WNK1: variants seen among roughly 807,000 people sequenced by gnomAD.
The protein encoded by WNK1 is serine/threonine-protein kinase WNK1.
WNK1 carries 38 observed loss-of-function variants against 222.8 expected under a neutral mutation model. The ratio of observed to expected loss-of-function variants is 0.17; its 90% CI spans 0.13 to 0.22. The LOEUF is 0.22. Among genes scored for constraint, WNK1 ranks in the 10% least tolerant of loss-of-function variants. The pLI, the probability that WNK1 is intolerant of heterozygous loss-of-function variation, is 1.00. For missense variants in WNK1, 2,348 were observed against 2,918.4 expected, an observed-to-expected ratio of 0.80 and a Z score of 4.50; for synonymous variants, 1,090 against 1,092.9, an observed-to-expected ratio of 1.00 and a Z score of 0.05.
At chr12:810,906 A>C (rs1361457829) in intron 1 of WNK1, among the ~76,000 whole-genome samples, 3 of 152,148 alleles carry the variant, frequency 2.0e-5, no homozygotes, top group Non-Finnish European at 2.9e-5. Flanking sequence ...GGAACTGTGC[A>C]TGTTATGAAG....
At chr12:857,114 T>G (rs367843490) in intron 4 of WNK1, 47 bp from the exon 5 acceptor site, 1 of 1,586,000 alleles carries the variant, frequency 6.3e-7, no homozygotes, top group East Asian at 2.2e-5. Context: ...AAAAACAAAG[T>G]TCAAAGGCCC....
chr12:869,200 G>A, intron 8 of WNK1: 2 of 1,517,230 alleles, frequency 1.3e-6, no homozygotes, highest in South Asian at 2.3e-5. Context: ...CATGGATTTT[G>A]GAGAAATATT....
Position 771,249 on chromosome 12 carries a change from T to G in WNK1, c.759+16925T>G, listed in dbSNP as rs371617219. Among the ~76,000 whole-genome samples the G allele has an allele frequency of 3.8e-4, 58 of 152,164 alleles. No homozygotes were observed. The East Asian group carries it at 4.5e-3, about 12-fold the overall frequency. ...CCTGACCTCGTGATCCGCCCGCCTC[T>G]GCCTCCCAAAGTGCTGGGATGACAG... On this transcript the variant is annotated intron_variant, in intron 1 of 27. Transcript: ENST00000315939.
chr12:764,439 C>T (rs934523720), intron 1 of WNK1, among the ~76,000 whole-genome samples: 1 of 145,426 alleles, frequency 6.9e-6, no homozygotes, highest in Non-Finnish European at 1.5e-5. Context: ...AGTTAGAGAC[C>T]AGCCTGACCA....
chr12:771,865 G>A (rs1942544388), intron 1 of WNK1, among the ~76,000 whole-genome samples: 1 of 151,988 alleles, frequency 6.6e-6, no homozygotes, highest in Non-Finnish European at 1.5e-5. Context: ...ACCTAGGCTG[G>A]TCTTGAACTT....
chr12:820,821 ATAGT>A (rs1947805087), intron 2 of WNK1, among the ~76,000 whole-genome samples: 1 of 152,148 alleles, frequency 6.6e-6, no homozygotes. Flanking sequence ...ATGTGAATAG[ATAGT>A]TCTTTCAGAT....
At chr12:809,208 T>C (rs1946673210) in intron 1 of WNK1, among the ~76,000 whole-genome samples, 1 of 150,584 alleles carries the variant, frequency 6.6e-6, no homozygotes, top group South Asian at 2.1e-4. Flanking sequence ...CAGATTTTTT[T>C]TTCCTATTCT....
At chr12:769,088 G>A (rs1209335812) in intron 1 of WNK1, among the ~76,000 whole-genome samples, 3 of 152,228 alleles carry the variant, frequency 2.0e-5, no homozygotes, top group East Asian at 3.9e-4. Flanking sequence ...GATTGTAGGC[G>A]TGAGCCACTG....
At position 830,043 on chromosome 12, in the gene WNK1, A is replaced by G. The variant is rs1029280670; in HGVS notation, c.1194A>G (p.Lys398=). 4 of 1,614,060 alleles carry G rather than the reference A, an allele frequency of 2.5e-6. No individual in the cohort carries two copies. The Admixed American group carries it at 5.0e-5, about 20-fold the overall frequency. The part of the protein sequence containing the change: ...EFMAPEMYEE[K]YDESVDVYAF... ...TGGCCCCTGAGATGTATGAGGAGAA[A>G]TATGATGAATCCGTTGACGTTTATG... The change falls in exon 4 of 28, where the codon AAA becomes AAG. Residue 398 remains lysine, a synonymous_variant. Coordinates refer to ENST00000315939, the MANE Select transcript of WNK1 (RefSeq NM_018979.4).
chr12:909,754 A>T lies in WNK1; in HGVS notation c.*962A>T, dbSNP rs1371775048. 1 of 152,234 alleles carries T rather than the reference A, an allele frequency of 6.6e-6. No homozygotes were observed. Among genetic ancestry groups the T allele is most frequent in the African/African-American group, 2.4e-5 (1 of 41,452 alleles). 9.4% of individuals were successfully genotyped at this position (152,234 alleles called of 1,614,324 possible). A position where few individuals can be genotyped will look rare whatever the true frequency, so the allele number is the denominator to read the frequency against. On this transcript the variant is annotated 3_prime_UTR_variant, in exon 28 of 28. Coordinates refer to ENST00000315939, the MANE Select transcript of WNK1 (RefSeq NM_018979.4). ...TCAACTTACCAGACCCCAGATCAAT[A>T]AAGGGCATGTGGAAGGAAATCGTAG...
chr12:902,646 A>G (rs1955362843), intron 26 of WNK1, among the ~76,000 whole-genome samples: 1 of 152,326 alleles, frequency 6.6e-6, no homozygotes, highest in South Asian at 2.1e-4. Flanking sequence ...TTTCTACTTA[A>G]AAACAAGGCA....
intron 17 of WNK1, 90 bp downstream of exon 17, chr12:883,921 A>G (rs1369558994): frequency 8.4e-6 from 13 of 1,538,804 alleles, no homozygotes; most frequent in Admixed American, 5.2e-5. Context: ...CCAGCTACTC[A>G]GGAGGCCGAG....
chr12:834,539 G>T (rs940722050), intron 4 of WNK1, among the ~76,000 whole-genome samples: 8 of 152,092 alleles, frequency 5.3e-5, no homozygotes, highest in Non-Finnish European at 8.8e-5. Context: ...GATAGGGAAG[G>T]TTTTCTCCTG....
chr12:875,691 C>T (rs1356550623), intron 9 of WNK1, among the ~76,000 whole-genome samples: 1 of 152,076 alleles, frequency 6.6e-6, no homozygotes, highest in African/African-American at 2.4e-5. Flanking sequence ...GCACATTTTA[C>T]CTGAAGATAC....
chr12:908,712 G>C lies in WNK1; in HGVS notation c.7069G>C (p.Ala2357Pro). ...PLGQFQPVGT[A>P]SLQNFNISNL... ...TGGCCAGTTCCAACCTGTGGGAACT[G>C]CCTCCTTGCAGAATTTCAACATCAG... Residue 2357 changes from alanine (A) to proline (P), a missense_variant, in exon 28 of 28, where the codon GCC becomes CCC. Physicochemically the swap from Ala to Pro is conservative, Grantham distance 27. This residue lies in a region of WNK1 where 76 missense variants were observed against 85.7 expected (regional missense o/e 0.89). Transcript: ENST00000315939. 1.2e-6 allele frequency: 2 copies of C among 1,614,172 alleles called. No individual in the cohort carries two copies. The highest frequency in any genetic ancestry group is 1.7e-6 in the Non-Finnish European group (2 of 1,180,038).
chr12:819,330 G>T (rs1947647340), intron 2 of WNK1, among the ~76,000 whole-genome samples: 1 of 152,078 alleles, frequency 6.6e-6, no homozygotes, highest in African/African-American at 2.4e-5. Flanking sequence ...TGTACAGATT[G>T]AGTATAGTAT....
chr12:801,574 A>ATTT (rs35504521), intron 1 of WNK1, among the ~76,000 whole-genome samples: 1 of 134,002 alleles, frequency 7.5e-6, no homozygotes, highest in Admixed American at 7.4e-5. Flanking sequence ...ATGCCTGACC[A>ATTT]TTTTTTTTTT....
intron 1 of WNK1, among the ~76,000 whole-genome samples, chr12:763,447 G>T (rs891829933): frequency 6.8e-6 from 1 of 146,770 alleles, no homozygotes; most frequent in Admixed American, 6.8e-5. Flanking sequence ...AAACTAGCCG[G>T]GTGTGGTGGT....
At chr12:874,962 G>A (rs1952476916) in intron 9 of WNK1, among the ~76,000 whole-genome samples, 1 of 152,110 alleles carries the variant, frequency 6.6e-6, no homozygotes, top group Non-Finnish European at 1.5e-5. Context: ...GAAAAAGGAG[G>A]CATTTGAAAT....
Sources: allele counts gnomAD v4.1 joint callset (sites outside exome capture counted in the v4.1 genomes callset), GRCh38; gene constraint gnomAD v4.1.1; regional missense constraint gnomAD v4.1.1; transcripts MANE v1.5; gene names NCBI Gene and HGNC (gene_info 2026-07-23, HGNC 2026-07-21).